The following TMEFF2 variants were observed in gnomAD, a reference collection of about 807,000 sequenced individuals.
TMEFF2 encodes transmembrane protein with EGF like and two follistatin like domains 2, also known as tomoregulin-2.
A neutral mutation model predicts 53.8 loss-of-function variants in TMEFF2; 28 were observed. The ratio of observed to expected loss-of-function variants is 0.52; its 90% CI spans 0.39 to 0.71. The LOEUF is 0.71. Among genes scored for constraint, TMEFF2 ranks in the 30% least tolerant of loss-of-function variants. The probability of loss-of-function intolerance (pLI) is 0.00; values close to 1 mark genes in which losing one functional copy is unlikely to be tolerated. For missense variants in TMEFF2, 353 were observed against 455.2 expected (o/e 0.78, Z 2.04); for synonymous variants, 162 against 166.3 (o/e 0.97, Z 0.20).
chr2:192,147,024 T>C (rs1301722713), intron 4 of TMEFF2, among the ~76,000 whole-genome samples: 2 of 152,132 alleles, frequency 1.3e-5, no homozygotes, highest in Admixed American at 1.3e-4. Context: ...ATAATTAAAA[T>C]ACTCAGTCTA....
chr2:191,998,686 A>G (rs1686282795), intron 6 of TMEFF2, among the ~76,000 whole-genome samples: 1 of 152,024 alleles, frequency 6.6e-6, no homozygotes, highest in Admixed American at 6.6e-5. Context: ...TACTGAATCA[A>G]TACATAAAAA....
At chr2:192,054,866 T>G (rs1327089702) in intron 5 of TMEFF2, among the ~76,000 whole-genome samples, 1 of 152,014 alleles carries the variant, frequency 6.6e-6, no homozygotes, top group African/African-American at 2.4e-5. Flanking sequence ...GGAATCTACC[T>G]CCTATGGCTA....
At chr2:192,145,154 A>C (rs1690219775) in intron 4 of TMEFF2, among the ~76,000 whole-genome samples, 1 of 152,018 alleles carries the variant, frequency 6.6e-6, no homozygotes, top group African/African-American at 2.4e-5. Context: ...AATATCTTAC[A>C]TTATTAATTA....
chr2:192,154,908 C>A (rs1221196410), intron 4 of TMEFF2, among the ~76,000 whole-genome samples: 1 of 151,876 alleles, frequency 6.6e-6, no homozygotes, highest in African/African-American at 2.4e-5. Flanking sequence ...GCATTTTGGG[C>A]AGAATAGGTC....
intron 4 of TMEFF2, among the ~76,000 whole-genome samples, chr2:192,130,254 T>C (rs1689783616): frequency 6.6e-6 from 1 of 152,172 alleles, no homozygotes; most frequent in Non-Finnish European, 1.5e-5. Context: ...AATTTCATGC[T>C]ATGCTGTTCC....
intron 4 of TMEFF2, among the ~76,000 whole-genome samples, chr2:192,078,657 A>T (rs1688486544): frequency 6.6e-6 from 1 of 152,180 alleles, no homozygotes; most frequent in Non-Finnish European, 1.5e-5. Flanking sequence ...TTATTCTTTC[A>T]GCTAAATCTC....
chr2:192,123,454 T>G (rs974813209), intron 4 of TMEFF2, among the ~76,000 whole-genome samples: 1 of 152,212 alleles, frequency 6.6e-6, no homozygotes. Flanking sequence ...AAATATGATT[T>G]GTAATGTGTA....
intron 4 of TMEFF2, among the ~76,000 whole-genome samples, chr2:192,118,034 T>A (rs1689457713): frequency 6.7e-6 from 1 of 150,066 alleles, no homozygotes; most frequent in African/African-American, 2.5e-5. Flanking sequence ...CTGGATACCC[T>A]CCACTGGTAA....
At chr2:192,072,956 G>A (rs1688325327) in intron 4 of TMEFF2, among the ~76,000 whole-genome samples, 1 of 151,970 alleles carries the variant, frequency 6.6e-6, no homozygotes, top group Admixed American at 6.6e-5. Flanking sequence ...TTCCATGTCA[G>A]AAGCATGGGC....
chr2:192,087,311 A>G (rs1468115770), intron 4 of TMEFF2, among the ~76,000 whole-genome samples: 1 of 152,134 alleles, frequency 6.6e-6, no homozygotes, highest in Admixed American at 6.6e-5. Context: ...AATTCAATAC[A>G]GTGCCAGGGT....
chr2:192,150,216 T>TA (rs1036649156), intron 4 of TMEFF2, among the ~76,000 whole-genome samples: 1 of 151,852 alleles, frequency 6.6e-6, no homozygotes, highest in Non-Finnish European at 1.5e-5. Context: ...CATATTCCTC[T>TA]AAAAAAATAT....
In TMEFF2 at chr2:191,950,601, T is replaced by G. The variant is rs1574236161; in HGVS notation, c.1029-194A>C. The stretch of plus-strand genomic sequence containing the variant: ...TTTCTGTGCAGTTGTCTTTAAATTT[T>G]TGTTGGGAATTGAACACAGGCAGAA... On this transcript the variant is annotated intron_variant, in intron 9 of 9. Transcript: ENST00000272771. The G allele has an allele frequency of 5.2e-6, 4 of 770,374 alleles. No homozygotes were observed. The East Asian group carries it at 1.1e-4, about 21-fold the overall frequency. The allele number at this position is 770,374 out of a possible 1,614,324, so 47.7% of individuals were successfully genotyped here. A position where few individuals can be genotyped will look rare whatever the true frequency, so the allele number is the denominator to read the frequency against.
chr2:192,052,830 G>A (rs1184668377), intron 5 of TMEFF2, among the ~76,000 whole-genome samples: 2 of 152,072 alleles, frequency 1.3e-5, no homozygotes, highest in Non-Finnish European at 2.9e-5. Context: ...AGTTACTTTC[G>A]AAGTCCATCC....
At chr2:192,032,102 A>C (rs1173754421) in intron 5 of TMEFF2, 1 of 152,200 alleles carries the variant, frequency 6.6e-6, no homozygotes, top group Non-Finnish European at 1.5e-5. Context: ...GACCTGAAGG[A>C]TCTCATAAGA....
chr2:192,178,642 G>A (rs879706124), intron 4 of TMEFF2: 1 of 151,094 alleles, frequency 6.6e-6, no homozygotes, highest in Non-Finnish European at 1.5e-5. Context: ...AACTAGTTAA[G>A]TCTTTCATTA....
rs183989693 is a variant in TMEFF2, at chr2:192,072,436, A to G, written c.440-14661T>C. ...TCAGGGTATCCCCAAAAGGGGAAAAAAAAGCAACACATTTTTTTTCTATCT... is the reference window on the plus strand; with the variant it reads ...TCAGGGTATCCCCAAAAGGGGAAAAGAAAGCAACACATTTTTTTTCTATCT... On this transcript the variant is annotated intron_variant, in intron 4 of 9. Transcript: ENST00000272771. Among the ~76,000 whole-genome samples, 77 of 152,086 alleles carry G rather than the reference A, an allele frequency of 5.1e-4. 1 individual carries two copies. The highest frequency in any genetic ancestry group is 1.7e-3 in the African/African-American group (71 of 41,530).
chr2:192,088,193 T>G (rs200161789), intron 4 of TMEFF2, among the ~76,000 whole-genome samples: 2 of 51,022 alleles, frequency 3.9e-5, no homozygotes, highest in Non-Finnish European at 1.1e-4. Flanking sequence ...CAAATAGTTA[T>G]TTTTTTTTTT....
chr2:191,955,524 ATT>A (rs71405028), intron 8 of TMEFF2, among the ~76,000 whole-genome samples: 14 of 60,292 alleles, frequency 2.3e-4, no homozygotes, highest in South Asian at 1.8e-3. Context: ...CTAATTCTTA[ATT>A]TTTTTTTTTT....
chr2:192,064,516 T>C (rs1688123135), intron 4 of TMEFF2, among the ~76,000 whole-genome samples: 1 of 151,884 alleles, frequency 6.6e-6, no homozygotes, highest in African/African-American at 2.4e-5. Flanking sequence ...TTGCCTTAAC[T>C]TTTCAAGACT....
Sources: gnomAD v4.1 joint callset for allele counts (sites outside exome capture counted in the v4.1 genomes callset) on GRCh38, gnomAD v4.1.1 for gene constraint, MANE v1.5 for transcripts, NCBI Gene and HGNC (gene_info 2026-07-23, HGNC 2026-07-21) for gene names.